APOBEC3G: variants seen among roughly 807,000 people sequenced by gnomAD.
APOBEC3G encodes the protein DNA dC->dU-editing enzyme APOBEC-3G.
In APOBEC3G, 44 loss-of-function variants were observed where a neutral mutation model predicts 50.0. That is an observed-to-expected ratio of 0.88 (90% CI 0.69 to 1.13). The LOEUF (loss-of-function observed/expected upper bound fraction) is 1.13. Ranked by LOEUF, APOBEC3G falls within the 50% of genes most tolerant of loss-of-function variation. The probability of loss-of-function intolerance (pLI) is 0.00; values close to 1 mark genes in which losing one functional copy is unlikely to be tolerated. For synonymous variants in APOBEC3G, 156 were observed against 175.3 expected (o/e 0.89, Z 0.87); for missense variants, 469 against 492.0 (o/e 0.95, Z 0.44).
chr22:39,086,297 T>C lies in APOBEC3G; in HGVS notation c.754T>C (p.Phe252Leu). 6.3e-7 allele frequency: 1 copy of C among 1,585,564 alleles called. No homozygotes were observed. The highest frequency in any genetic ancestry group is 1.1e-5 in the South Asian group (1 of 88,186). Residue 252 changes from phenylalanine to leucine, a missense_variant, in exon 6 of 8, where the codon TTC becomes CTC. Physicochemically the swap from Phe to Leu is conservative, Grantham distance 22. Transcript: ENST00000407997. ...TTTCTAGGCTCCACATAAACACGGT[T>C]TCCTTGAAGGCCGCCATGCAGAGCT... is the stretch of plus-strand genomic sequence containing the variant. The part of the protein sequence containing the change: ...LCNQAPHKHG[F>L]LEGRHAELCF...
intron 5 of APOBEC3G, among the ~76,000 whole-genome samples, chr22:39,085,515 C>T (rs549560212): frequency 9.2e-5 from 14 of 152,290 alleles, no homozygotes; most frequent in African/African-American, 2.9e-4. Flanking sequence ...ACCTCATGTG[C>T]AGAATGAGAG....
intron 7 of APOBEC3G, 38 bp downstream of exon 7, chr22:39,087,164 C>A: frequency 6.2e-7 from 1 of 1,613,014 alleles, no homozygotes; most frequent in Non-Finnish European, 8.5e-7. Flanking sequence ...CCCCATCGGC[C>A]TCCCCCTCCT....
At position 39,077,433 on chromosome 22, in the gene APOBEC3G, G is replaced by C; in HGVS notation, c.17+55G>C. The C allele has an allele frequency of 1.9e-6, 3 of 1,561,768 alleles. No individual in the cohort carries two copies. In the South Asian group the frequency reaches 3.5e-5, roughly 18 times the overall value. ...CCTCTGCTGCCCCTTCTTGCCTGGT[G>C]GCTCTGCTGGGCGTCAGCCCTGGCC... On this transcript the variant is annotated intron_variant, in intron 1 of 7. Transcript: ENST00000407997.
Position 39,078,554 on chromosome 22 carries a change from A to C in APOBEC3G, c.18-378A>C, listed in dbSNP as rs1386778727. 5 of 174,200 alleles carry C rather than the reference A, an allele frequency of 2.9e-5. No individual in the cohort carries two copies. The Admixed American group carries it at 2.9e-4, about 10-fold the overall frequency. The allele number at this position is 174,200 out of a possible 1,614,324, so 10.8% of individuals were successfully genotyped here. On this transcript the variant is annotated intron_variant, in intron 1 of 7. Transcript: ENST00000407997. ...TGCCAGCCTAGGGCAGCCTCACATG[A>C]GCTCACCCCCGCGCAGCACTTAGAA...
chr22:39,077,405 G>A (rs1386450603), intron 1 of APOBEC3G, 27 bp downstream of exon 1: 2 of 1,577,304 alleles, frequency 1.3e-6, no homozygotes, highest in South Asian at 1.2e-5. Flanking sequence ...TACCCACTGG[G>A]CCCCTCTGCT....
Position 39,078,979 on chromosome 22 carries a change from A to G in APOBEC3G, c.65A>G (p.Tyr22Cys), listed in dbSNP as rs1928300544. 1 of 1,614,172 alleles carries G rather than the reference A, an allele frequency of 6.2e-7. No individual in the cohort carries two copies. ...MYRDTFSYNF[Y>C]NRPILSRRNT... is the part of the protein sequence containing the mutation. Reference sequence around the variant, plus strand: ...CGAGACACATTCTCCTACAACTTTTATAATAGACCCATCCTTTCTCGTCGG... The same window carrying G: ...CGAGACACATTCTCCTACAACTTTTGTAATAGACCCATCCTTTCTCGTCGG... The change falls in exon 2 of 8, where the codon TAT becomes TGT. Residue 22 changes from tyrosine to cysteine, a missense_variant. Physicochemically the swap from Tyr to Cys is radical, Grantham distance 194. Coordinates refer to ENST00000407997, the MANE Select transcript of APOBEC3G (RefSeq NM_021822.4).
chr22:39,078,843 C>G, intron 1 of APOBEC3G, 89 bp from the exon 2 acceptor site: 7 of 1,534,334 alleles, frequency 4.6e-6, no homozygotes, highest in South Asian at 2.6e-5. Context: ...GGCCTAGAGC[C>G]GTCCAGGGGG....
intron 1 of APOBEC3G, among the ~76,000 whole-genome samples, chr22:39,078,158 C>T (rs1374191497): frequency 6.6e-6 from 1 of 152,054 alleles, no homozygotes; most frequent in East Asian, 1.9e-4. Context: ...ACTTGGGAGT[C>T]TGAGACAGGA....
At chr22:39,084,516 A>G (rs1928611444) in intron 5 of APOBEC3G, among the ~76,000 whole-genome samples, 1 of 128,100 alleles carries the variant, frequency 7.8e-6, no homozygotes, top group Admixed American at 8.6e-5. Flanking sequence ...ACAGAGCGAG[A>G]CTCCGTCTCA....
At chr22:39,083,937 C>A in intron 5 of APOBEC3G, 53 bp downstream of exon 5, 4 of 1,587,380 alleles carry the variant, frequency 2.5e-6, no homozygotes, top group Non-Finnish European at 3.4e-6. Flanking sequence ...CCCAGGGACA[C>A]CCATGGGCAG....
intron 2 of APOBEC3G, 135 bp from the exon 3 acceptor site, chr22:39,080,798 C>A: frequency 2.5e-6 from 2 of 799,780 alleles, no homozygotes. Flanking sequence ...TCAAACCGAA[C>A]AGGGGGATGG....
chr22:39,083,847 T>C lies in APOBEC3G; in HGVS notation c.698T>C (p.Val233Ala), dbSNP rs1569085350. Residue 233 changes from valine to alanine, a missense_variant, in exon 5 of 8, where the codon GTC (valine) becomes GCC (alanine). Coordinates refer to ENST00000407997, the MANE Select transcript of APOBEC3G (RefSeq NM_021822.4). The part of the protein sequence containing the change: ...EVERMHNDTW[V>A]LLNQRRGFLC... ...GAGCGCATGCACAATGACACCTGGGTCCTGCTGAACCAGCGCAGGGGCTTT... is the reference window on the plus strand; with the variant it reads ...GAGCGCATGCACAATGACACCTGGGCCCTGCTGAACCAGCGCAGGGGCTTT... The C allele has an allele frequency of 6.2e-7, 1 of 1,613,906 alleles. No homozygotes were observed. Among genetic ancestry groups the C allele is most frequent in the East Asian group, 2.2e-5 (1 of 44,880 alleles).
At chr22:39,081,735 C>A in intron 4 of APOBEC3G, 150 bp downstream of exon 4, 1 of 636,964 alleles carries the variant, frequency 1.6e-6, no homozygotes. Context: ...GGTTACACTC[C>A]CTCACCCACA....
At chr22:39,085,480 C>T (rs1928652569) in intron 5 of APOBEC3G, among the ~76,000 whole-genome samples, 1 of 152,140 alleles carries the variant, frequency 6.6e-6, no homozygotes, top group East Asian at 1.9e-4. Flanking sequence ...AGGCCTGGGG[C>T]GGAGTGAGGG....
At chr22:39,077,247 A>G, upstream of APOBEC3G, 1 of 1,540,394 alleles carries the variant, frequency 6.5e-7, no homozygotes, top group Non-Finnish European at 8.8e-7. Context: ...GGCCATGACT[A>G]CGAGGCCCTG....
At chr22:39,080,882 C>T (rs1484893475) in intron 2 of APOBEC3G, 51 bp from the exon 3 acceptor site, 5 of 1,348,072 alleles carry the variant, frequency 3.7e-6, no homozygotes, top group Non-Finnish European at 5.1e-6. Flanking sequence ...CACCCCTGCT[C>T]TCCTCCTGCT....
intron 1 of APOBEC3G, among the ~76,000 whole-genome samples, chr22:39,077,857 A>ATGTC (rs1928230247): frequency 6.6e-6 from 1 of 152,184 alleles, no homozygotes; most frequent in Non-Finnish European, 1.5e-5. Flanking sequence ...AGGATAAATC[A>ATGTC]TGTCTTCCAA....
intron 4 of APOBEC3G, chr22:39,081,812 G>C: frequency 2.1e-6 from 1 of 482,174 alleles, no homozygotes; most frequent in Non-Finnish European, 3.7e-6. Context: ...TGAGTGAGAG[G>C]CCCCTTCTGC....
intron 2 of APOBEC3G, chr22:39,080,527 C>G (rs985168785): frequency 1.0e-4 from 20 of 194,724 alleles, no homozygotes; most frequent in African/African-American, 4.2e-4. Context: ...AGGGGATGCT[C>G]CAGACAGAGT....
Sources: allele counts gnomAD v4.1 joint callset (sites outside exome capture counted in the v4.1 genomes callset), GRCh38; gene constraint gnomAD v4.1.1; transcripts MANE v1.5; gene names NCBI Gene and HGNC (gene_info 2026-07-23, HGNC 2026-07-21).